The following KCND2 variants were observed in gnomAD, a reference collection of about 807,000 sequenced individuals.
KCND2 encodes the protein potassium voltage-gated channel subfamily D member 2, also known as A-type voltage-gated potassium channel KCND2.
A neutral mutation model predicts 54.4 loss-of-function variants in KCND2; 16 were observed. The observed-to-expected ratio is 0.29, with a 90% CI of 0.20 to 0.45. The LOEUF is 0.45. Among genes scored for constraint, KCND2 ranks in the 20% least tolerant of loss-of-function variants. The pLI, the probability that KCND2 is intolerant of heterozygous loss-of-function variation, is 1.00. For missense variants in KCND2, 486 were observed against 824.2 expected, an observed-to-expected ratio of 0.59 and a Z score of 5.02; for synonymous variants, 317 against 310.7, an observed-to-expected ratio of 1.02 and a Z score of -0.21.
At chr7:120,384,661 T>A (rs1800962456) in intron 1 of KCND2, among the ~76,000 whole-genome samples, 1 of 152,208 alleles carries the variant, frequency 6.6e-6, no homozygotes, top group Admixed American at 6.5e-5. Context: ...TTCATTTTCC[T>A]GCCCAGAAGA....
At chr7:120,707,650 A>G (rs930731973) in intron 1 of KCND2, among the ~76,000 whole-genome samples, 7 of 152,254 alleles carry the variant, frequency 4.6e-5, no homozygotes, top group South Asian at 2.1e-4. Flanking sequence ...CGATTTATCA[A>G]CTTCATTGTA....
At chr7:120,701,942 G>T (rs1792407779) in intron 1 of KCND2, among the ~76,000 whole-genome samples, 1 of 152,108 alleles carries the variant, frequency 6.6e-6, no homozygotes, top group Non-Finnish European at 1.5e-5. Flanking sequence ...TGCAACAAAA[G>T]CAAAAATTGA....
At chr7:120,349,309 AAC>A (rs964021304) in intron 1 of KCND2, among the ~76,000 whole-genome samples, 9 of 89,270 alleles carry the variant, frequency 1.0e-4, no homozygotes, top group South Asian at 4.1e-4. Context: ...CACACACACA[AAC>A]ACACACACAC....
At chr7:120,391,438 G>A (rs1193792570) in intron 1 of KCND2, among the ~76,000 whole-genome samples, 1 of 152,050 alleles carries the variant, frequency 6.6e-6, no homozygotes, top group African/African-American at 2.4e-5. Flanking sequence ...ACCCAGTAAG[G>A]GGAGTGCTGG....
At chr7:120,617,486 A>G (rs904447804) in intron 1 of KCND2, among the ~76,000 whole-genome samples, 15 of 152,214 alleles carry the variant, frequency 9.9e-5, no homozygotes, top group Non-Finnish European at 1.6e-4. Flanking sequence ...AAGTCAAAAA[A>G]TAACAGATGT....
At chr7:120,478,550 C>T (rs2116275127) in intron 1 of KCND2, among the ~76,000 whole-genome samples, 1 of 151,980 alleles carries the variant, frequency 6.6e-6, no homozygotes, top group South Asian at 2.1e-4. Flanking sequence ...AATAATGAAT[C>T]ATGAAAAAAG....
intron 1 of KCND2, among the ~76,000 whole-genome samples, chr7:120,350,178 G>C (rs1800382443): frequency 6.6e-6 from 1 of 152,030 alleles, no homozygotes; most frequent in Admixed American, 6.6e-5. Context: ...TTCTATAAGT[G>C]TTTCATTCAG....
chr7:120,318,215 A>G lies in KCND2; in HGVS notation c.1115+42468A>G, dbSNP rs553787279. On this transcript the variant is annotated intron_variant, in intron 1 of 5. Transcript: ENST00000331113. The stretch of plus-strand genomic sequence containing the variant: ...CACAAGAGAAAACAAAATTATATTG[A>G]GTGGACCTAAGAGTCAGAGTGGGTG... 3.3e-5 allele frequency among the ~76,000 whole-genome samples: 5 copies of G among 152,290 alleles called. No homozygotes were observed. In the South Asian group the frequency reaches 1.0e-3, roughly 32 times the overall value.
At chr7:120,740,962 G>A (rs1792933702) in intron 2 of KCND2, 1 of 449,628 alleles carries the variant, frequency 2.2e-6, no homozygotes. Flanking sequence ...TGTTTGGCAT[G>A]GGATCTACCT....
intron 1 of KCND2, among the ~76,000 whole-genome samples, chr7:120,443,873 A>G (rs1801981390): frequency 6.6e-6 from 1 of 152,074 alleles, no homozygotes; most frequent in South Asian, 2.1e-4. Flanking sequence ...GTTAATGCCA[A>G]CAACACTTCT....
chr7:120,645,958 G>A (rs2116537539), intron 1 of KCND2, among the ~76,000 whole-genome samples: 1 of 152,280 alleles, frequency 6.6e-6, no homozygotes, highest in Admixed American at 6.5e-5. Flanking sequence ...CTCATATTTA[G>A]CAAGGTGAGA....
chr7:120,560,321 A>G (rs1309765662), intron 1 of KCND2, among the ~76,000 whole-genome samples: 1 of 152,194 alleles, frequency 6.6e-6, no homozygotes, highest in Non-Finnish European at 1.5e-5. Flanking sequence ...TTAAAAGGCT[A>G]CATTTAAGAC....
chr7:120,617,665 A>T (rs1350868879), intron 1 of KCND2, among the ~76,000 whole-genome samples: 1 of 152,162 alleles, frequency 6.6e-6, no homozygotes, highest in African/African-American at 2.4e-5. Flanking sequence ...AAGGAATATA[A>T]GTCATCCTAC....
chr7:120,661,567 T>C (rs1201074151), intron 1 of KCND2, among the ~76,000 whole-genome samples: 1 of 151,856 alleles, frequency 6.6e-6, no homozygotes, highest in East Asian at 1.9e-4. Context: ...CAAGAATCAC[T>C]TGAACCTGAG....
At position 120,275,508 on chromosome 7, in the gene KCND2, C is replaced by G. The variant is rs1799160482; in HGVS notation, c.876C>G (p.Leu292=). 1 of 1,612,528 alleles carries G rather than the reference C, an allele frequency of 6.2e-7. No individual in the cohort carries two copies. The change falls in exon 1 of 6, where the codon CTC becomes CTG. Residue 292 remains leucine, a synonymous_variant. Coordinates refer to ENST00000331113, the MANE Select transcript of KCND2 (RefSeq NM_012281.3). ...ACGTCAGCGGAGCCTTTGTCACACT[C>G]CGAGTCTTCCGGGTCTTCAGGATCT... ...NEDVSGAFVT[L]RVFRVFRIFK...
At chr7:120,707,850 C>G (rs1046216090) in intron 1 of KCND2, among the ~76,000 whole-genome samples, 4 of 152,030 alleles carry the variant, frequency 2.6e-5, no homozygotes, top group African/African-American at 9.7e-5. Flanking sequence ...ACAGCAATGA[C>G]CAACTTCACC....
chr7:120,357,794 T>A (rs1800527372), intron 1 of KCND2, among the ~76,000 whole-genome samples: 1 of 152,138 alleles, frequency 6.6e-6, no homozygotes, highest in Non-Finnish European at 1.5e-5. Context: ...GTCCTAAGTA[T>A]ACTGATGGTG....
intron 1 of KCND2, among the ~76,000 whole-genome samples, chr7:120,655,246 A>G (rs1791786999): frequency 2.0e-5 from 3 of 152,092 alleles, no homozygotes. Flanking sequence ...CAAAAGAGGC[A>G]GCATCAGCTA....
chr7:120,427,369 A>G (rs1801724838), intron 1 of KCND2, among the ~76,000 whole-genome samples: 2 of 152,192 alleles, frequency 1.3e-5, no homozygotes, highest in African/African-American at 2.4e-5. Flanking sequence ...GCACTGTACC[A>G]TTCAAATATC....
Sources: gnomAD v4.1 joint callset for allele counts (sites outside exome capture counted in the v4.1 genomes callset) on GRCh38, gnomAD v4.1.1 for gene constraint, MANE v1.5 for transcripts, NCBI Gene and HGNC (gene_info 2026-07-23, HGNC 2026-07-21) for gene names.